The following SLX4IP variants were observed in gnomAD, a reference collection of about 807,000 sequenced individuals.
SLX4IP encodes the protein protein SLX4IP.
In SLX4IP, 34 loss-of-function variants were observed where a neutral mutation model predicts 32.9. That is an observed-to-expected ratio of 1.03 (90% CI 0.79 to 1.38). The LOEUF (loss-of-function observed/expected upper bound fraction) is 1.38, where lower values mean the gene tolerates loss of function less well. SLX4IP is among the 40% of genes most tolerant of loss of function. SLX4IP has a pLI of 0.00. For synonymous variants in SLX4IP, 172 were observed against 171.7 expected, an observed-to-expected ratio of 1.00 and a Z score of -0.01; for missense variants, 444 against 479.0, an observed-to-expected ratio of 0.93 and a Z score of 0.68.
At chr20:10,607,170 G>A (rs1405303438) in intron 6 of SLX4IP, among the ~76,000 whole-genome samples, 1 of 152,128 alleles carries the variant, frequency 6.6e-6, no homozygotes, top group South Asian at 2.1e-4. Context: ...AGGGACAGCC[G>A]AGCTGTGTCT....
chr20:10,539,009 A>G (rs2066076038), intron 2 of SLX4IP, among the ~76,000 whole-genome samples: 2 of 152,220 alleles, frequency 1.3e-5, no homozygotes, highest in African/African-American at 4.8e-5. Context: ...ACATACCAAA[A>G]ATAATTTAGT....
intron 2 of SLX4IP, among the ~76,000 whole-genome samples, chr20:10,482,599 G>C (rs972159826): frequency 2.6e-5 from 4 of 152,160 alleles, no homozygotes; most frequent in African/African-American, 9.7e-5. Context: ...TAGAGGTACT[G>C]TGTCAGGGTT....
chr20:10,596,419 G>A (rs897793105), intron 4 of SLX4IP, among the ~76,000 whole-genome samples: 1 of 151,910 alleles, frequency 6.6e-6, no homozygotes, highest in Non-Finnish European at 1.5e-5. Flanking sequence ...TAAGGAGACG[G>A]GGTCTCAGTA....
chr20:10,542,591 C>T (rs2066118938), intron 2 of SLX4IP, among the ~76,000 whole-genome samples: 1 of 152,114 alleles, frequency 6.6e-6, no homozygotes, highest in African/African-American at 2.4e-5. Context: ...TGCATAAAGC[C>T]TCATCCTGTC....
intron 1 of SLX4IP, among the ~76,000 whole-genome samples, chr20:10,452,117 C>T (rs961201960): frequency 1.3e-5 from 2 of 152,182 alleles, no homozygotes; most frequent in African/African-American, 4.8e-5. Flanking sequence ...AAAATTTCAA[C>T]GGGCAAATAG....
chr20:10,548,741 C>T (rs528874943), intron 2 of SLX4IP, among the ~76,000 whole-genome samples: 13 of 152,162 alleles, frequency 8.5e-5, no homozygotes, highest in Non-Finnish European at 1.8e-4. Flanking sequence ...GTTTCCAGAA[C>T]GCCAAGGGGT....
chr20:10,479,352 C>CT (rs764474218), intron 2 of SLX4IP, among the ~76,000 whole-genome samples: 4,857 of 73,720 alleles, frequency 0.066, 141 homozygotes, highest in Admixed American at 0.15. Context: ...TTCCATATTT[C>CT]TTTTTTTTTT....
chr20:10,559,386 T>A (rs1277110467), intron 3 of SLX4IP, among the ~76,000 whole-genome samples: 4 of 152,324 alleles, frequency 2.6e-5, no homozygotes, highest in South Asian at 4.1e-4. Flanking sequence ...ATCATTGCTC[T>A]TTAGAACAGC....
At chr20:10,457,842 T>C (rs552975501) in intron 1 of SLX4IP, among the ~76,000 whole-genome samples, 14 of 148,554 alleles carry the variant, frequency 9.4e-5, no homozygotes, top group African/African-American at 2.7e-4. Context: ...TTTTCTCTCT[T>C]TTTTTTTTTT....
chr20:10,455,812 T>C (rs183330495), intron 1 of SLX4IP, among the ~76,000 whole-genome samples: 13 of 152,240 alleles, frequency 8.5e-5, no homozygotes, highest in African/African-American at 3.1e-4. Context: ...GGTTTCGCCA[T>C]GTTGGCCAGG....
At chr20:10,618,194 G>T (rs889136241) in intron 6 of SLX4IP, among the ~76,000 whole-genome samples, 7 of 152,136 alleles carry the variant, frequency 4.6e-5, no homozygotes, top group African/African-American at 1.7e-4. Flanking sequence ...CATCCTTGGG[G>T]TACTGGTCTC....
intron 2 of SLX4IP, among the ~76,000 whole-genome samples, chr20:10,463,984 G>A (rs2065359788): frequency 6.6e-6 from 1 of 152,092 alleles, no homozygotes; most frequent in Admixed American, 6.5e-5. Context: ...TGGGAGGGCA[G>A]GTATAAGGAT....
rs1396017296 is a variant in SLX4IP, at chr20:10,465,298, C to G, written c.27+7067C>G. On this transcript the variant is annotated intron_variant, in intron 2 of 7. Transcript: ENST00000334534. ...AGATCTGCAAATTACAGCCCACATG[C>G]CAGCTGCTTGTTTTTGTAAATAATG... Among the ~76,000 whole-genome samples, 6 of 152,062 alleles carry G rather than the reference C, an allele frequency of 3.9e-5. No individual in the cohort carries two copies. In the East Asian group the frequency reaches 1.2e-3, roughly 29 times the overall value.
intron 2 of SLX4IP, among the ~76,000 whole-genome samples, chr20:10,525,239 G>A (rs1303462101): frequency 6.6e-6 from 1 of 152,152 alleles, no homozygotes; most frequent in African/African-American, 2.4e-5. Flanking sequence ...AGAAAAAGTA[G>A]CAGACCCCTG....
At chr20:10,545,998 T>C (rs2066158774) in intron 2 of SLX4IP, among the ~76,000 whole-genome samples, 1 of 152,342 alleles carries the variant, frequency 6.6e-6, no homozygotes, top group East Asian at 1.9e-4. Flanking sequence ...TTTTCTAACA[T>C]GTTAATTCTT....
intron 4 of SLX4IP, among the ~76,000 whole-genome samples, chr20:10,592,825 G>C (rs552519862): frequency 6.6e-6 from 1 of 151,666 alleles, no homozygotes; most frequent in African/African-American, 2.4e-5. Context: ...GTAGAGACAG[G>C]GTTTCACCAT....
At chr20:10,441,731 G>GTTTTTTTTTT (rs3064149) in intron 1 of SLX4IP, among the ~76,000 whole-genome samples, 1 of 147,618 alleles carries the variant, frequency 6.8e-6, no homozygotes. Context: ...GTTTGTTTTT[G>GTTTTTTTTTT]TTTTTTTTTT....
intron 2 of SLX4IP, among the ~76,000 whole-genome samples, chr20:10,555,685 T>C (rs574593706): frequency 6.6e-6 from 1 of 152,378 alleles, no homozygotes; most frequent in Non-Finnish European, 1.5e-5. Context: ...AATTTTGTTT[T>C]GTTTTGTTAA....
intron 6 of SLX4IP, chr20:10,614,193 A>C: frequency 2.7e-6 from 2 of 735,600 alleles, no homozygotes; most frequent in South Asian, 3.4e-5. Context: ...AATTATTTTC[A>C]TTTGGGGTTG....
Sources: allele counts gnomAD v4.1 joint callset (sites outside exome capture counted in the v4.1 genomes callset), GRCh38; gene constraint gnomAD v4.1.1; transcripts MANE v1.5; gene names NCBI Gene and HGNC (gene_info 2026-07-23, HGNC 2026-07-21).